Variants in AUTS2 observed in about 807,000 individuals in gnomAD.
AUTS2 encodes the protein autism susceptibility gene 2 protein.
Under a neutral mutation model 112.4 loss-of-function variants are expected in AUTS2, and 17 were observed. The observed-to-expected ratio is 0.15, with a 90% CI of 0.10 to 0.23. The LOEUF (loss-of-function observed/expected upper bound fraction) is 0.23, where lower values mean the gene tolerates loss of function less well. Ranked by LOEUF, AUTS2 falls within the 10% of genes least tolerant of loss-of-function variation. AUTS2 has a pLI of 1.00. For missense variants in AUTS2, 1,510 were observed against 1,701.6 expected (o/e 0.89, Z 1.98); for synonymous variants, 751 against 702.7 (o/e 1.07, Z -1.09).
At chr7:70,127,057 C>A (rs1169517038) in intron 3 of AUTS2, among the ~76,000 whole-genome samples, 1 of 152,062 alleles carries the variant, frequency 6.6e-6, no homozygotes, top group East Asian at 1.9e-4. Flanking sequence ...GAACTCCTGA[C>A]CTCAGGCAAT....
intron 2 of AUTS2, among the ~76,000 whole-genome samples, chr7:70,102,160 C>A (rs1804534078): frequency 6.7e-6 from 1 of 149,270 alleles, no homozygotes; most frequent in African/African-American, 2.5e-5. Flanking sequence ...GCACTTTCGC[C>A]CAGGCTGGAG....
chr7:70,622,499 C>A (rs1404911678), intron 5 of AUTS2, among the ~76,000 whole-genome samples: 1 of 152,132 alleles, frequency 6.6e-6, no homozygotes, highest in Non-Finnish European at 1.5e-5. Flanking sequence ...TCCCGCTAAC[C>A]CCCAGACTTT....
chr7:69,648,522 GA>G (rs1795144267), intron 1 of AUTS2, among the ~76,000 whole-genome samples: 1 of 151,746 alleles, frequency 6.6e-6, no homozygotes, highest in Non-Finnish European at 1.5e-5. Flanking sequence ...AGTGGGATGG[GA>G]TTTTTTTTTT....
intron 2 of AUTS2, among the ~76,000 whole-genome samples, chr7:70,029,631 A>G (rs1800685162): frequency 6.6e-6 from 1 of 152,188 alleles, no homozygotes; most frequent in African/African-American, 2.4e-5. Flanking sequence ...AAAGAAAGTG[A>G]ATACTTTGCG....
intron 6 of AUTS2, among the ~76,000 whole-genome samples, chr7:70,759,500 G>A (rs1789422751): frequency 6.6e-6 from 1 of 152,238 alleles, no homozygotes; most frequent in African/African-American, 2.4e-5. Flanking sequence ...ATGCATTAAA[G>A]TTAAAGGAGT....
intron 4 of AUTS2, among the ~76,000 whole-genome samples, chr7:70,297,426 AT>A (rs764795939): frequency 0.015 from 2,061 of 136,386 alleles, 19 homozygotes; most frequent in Middle Eastern, 0.031. Context: ...GAGGAAGATA[AT>A]TTTTTTTTTT....
chr7:69,718,601 C>A (rs565829520), intron 1 of AUTS2, among the ~76,000 whole-genome samples: 1 of 152,262 alleles, frequency 6.6e-6, no homozygotes, highest in African/African-American at 2.4e-5. Context: ...TTGGGCCCAC[C>A]CTGACAATCC....
chr7:70,592,999 T>C (rs529013666), intron 5 of AUTS2, among the ~76,000 whole-genome samples: 1 of 151,774 alleles, frequency 6.6e-6, no homozygotes, highest in Admixed American at 6.6e-5. Flanking sequence ...ACGGGCACAA[T>C]CCACCATGCT....
At chr7:70,502,736 G>C (rs779792565) in intron 5 of AUTS2, among the ~76,000 whole-genome samples, 5 of 152,174 alleles carry the variant, frequency 3.3e-5, no homozygotes, top group Non-Finnish European at 7.3e-5. Flanking sequence ...TTCCTACCTG[G>C]TTGTAAACAT....
intron 1 of AUTS2, among the ~76,000 whole-genome samples, chr7:69,827,445 A>AG (rs992192868): frequency 3.3e-5 from 5 of 152,024 alleles, no homozygotes; most frequent in Admixed American, 2.0e-4. Context: ...GAAAAAGAAG[A>AG]GGGGAAAAAA....
intron 5 of AUTS2, among the ~76,000 whole-genome samples, chr7:70,521,671 C>T (rs907181842): frequency 5.3e-5 from 8 of 152,178 alleles, no homozygotes; most frequent in Admixed American, 1.3e-4. Flanking sequence ...TTGATTAGGA[C>T]ATGAGAAGTA....
chr7:70,104,068 C>T (rs1228598507), intron 2 of AUTS2, among the ~76,000 whole-genome samples: 2 of 151,196 alleles, frequency 1.3e-5, no homozygotes, highest in Non-Finnish European at 2.9e-5. Flanking sequence ...TTGTCCTTTA[C>T]TGTCCTTATG....
At chr7:70,624,574 C>CG (rs1329222157) in intron 5 of AUTS2, among the ~76,000 whole-genome samples, 2 of 152,184 alleles carry the variant, frequency 1.3e-5, no homozygotes, top group African/African-American at 4.8e-5. Flanking sequence ...CAAGCCCCAA[C>CG]CCCAGGCCCT....
chr7:70,437,954 G>A (rs1435156692), intron 5 of AUTS2: 1 of 152,054 alleles, frequency 6.6e-6, no homozygotes, highest in East Asian at 1.9e-4. Context: ...CTTCACCAGT[G>A]GCCTCAACCT....
At chr7:70,481,254 C>G (rs1797776295) in intron 5 of AUTS2, among the ~76,000 whole-genome samples, 1 of 152,162 alleles carries the variant, frequency 6.6e-6, no homozygotes, top group African/African-American at 2.4e-5. Context: ...AGGGAGAAAC[C>G]CGAAGGAGCA....
intron 1 of AUTS2, among the ~76,000 whole-genome samples, chr7:69,858,212 A>C (rs1026090581): frequency 6.6e-6 from 1 of 152,154 alleles, no homozygotes; most frequent in Non-Finnish European, 1.5e-5. Flanking sequence ...GTAGGTCCAA[A>C]ATATTATCTT....
At chr7:69,697,130 A>C (rs1416668111) in intron 1 of AUTS2, among the ~76,000 whole-genome samples, 1 of 152,230 alleles carries the variant, frequency 6.6e-6, no homozygotes, top group Non-Finnish European at 1.5e-5. Context: ...ATAGTTTCTG[A>C]TTCAGTATGC....
chr7:69,695,294 A>G (rs1392953042), intron 1 of AUTS2, among the ~76,000 whole-genome samples: 1 of 152,168 alleles, frequency 6.6e-6, no homozygotes, highest in African/African-American at 2.4e-5. Flanking sequence ...GCACCACTGC[A>G]CTCCAGGCTG....
At chr7:70,702,858 C>T (rs970938005) in intron 6 of AUTS2, among the ~76,000 whole-genome samples, 8 of 152,294 alleles carry the variant, frequency 5.3e-5, no homozygotes, top group Admixed American at 2.6e-4. Flanking sequence ...GGAACACACC[C>T]GGCCTCTTCT....
Sources: allele counts gnomAD v4.1 joint callset (sites outside exome capture counted in the v4.1 genomes callset), GRCh38; gene constraint gnomAD v4.1.1; transcripts MANE v1.5; gene names NCBI Gene and HGNC (gene_info 2026-07-23, HGNC 2026-07-21).